The following SUCLG2 variants were observed in gnomAD, a reference collection of about 807,000 sequenced individuals.
SUCLG2 encodes the protein succinate--CoA ligase [GDP-forming] subunit beta, mitochondrial.
Under a neutral mutation model 47.9 loss-of-function variants are expected in SUCLG2, and 42 were observed. The ratio of observed to expected loss-of-function variants is 0.88; its 90% CI spans 0.69 to 1.14. SUCLG2 has a LOEUF of 1.14. Ranked by LOEUF, SUCLG2 falls within the 50% of genes most tolerant of loss-of-function variation. The pLI, the probability that SUCLG2 is intolerant of heterozygous loss-of-function variation, is 0.00. For missense variants in SUCLG2, 571 were observed against 525.9 expected, an observed-to-expected ratio of 1.09 and a Z score of -0.84; for synonymous variants, 195 against 197.3, an observed-to-expected ratio of 0.99 and a Z score of 0.10.
intron 9 of SUCLG2, among the ~76,000 whole-genome samples, chr3:67,439,367 A>G (rs1703702126): frequency 1.3e-5 from 2 of 152,188 alleles, no homozygotes; most frequent in Admixed American, 6.5e-5. Flanking sequence ...TATTCAACAT[A>G]GTATTGGAAG....
chr3:67,637,912 G>A (rs975308925), intron 1 of SUCLG2, among the ~76,000 whole-genome samples: 16 of 152,138 alleles, frequency 1.1e-4, no homozygotes, highest in African/African-American at 3.4e-4. Context: ...ATTAAAATTA[G>A]ACATGAAGTT....
chr3:67,370,760 G>A (rs1020031668), downstream of SUCLG2, among the ~76,000 whole-genome samples: 1 of 152,166 alleles, frequency 6.6e-6, no homozygotes, highest in African/African-American at 2.4e-5. Flanking sequence ...ACATTTCATT[G>A]TACTGTACTA....
At chr3:67,384,152 C>A (rs546711902) in intron 10 of SUCLG2, among the ~76,000 whole-genome samples, 2 of 152,318 alleles carry the variant, frequency 1.3e-5, no homozygotes, top group East Asian at 3.9e-4. Context: ...GGGGAAATGA[C>A]TGAGTGGACC....
downstream of SUCLG2, among the ~76,000 whole-genome samples, chr3:67,370,577 T>G (rs1701939874): frequency 6.6e-6 from 1 of 152,118 alleles, no homozygotes; most frequent in African/African-American, 2.4e-5. Flanking sequence ...AGTGAATGCC[T>G]AAAACCACAG....
chr3:67,461,564 A>G (rs933053052), intron 9 of SUCLG2, among the ~76,000 whole-genome samples: 2 of 151,820 alleles, frequency 1.3e-5, no homozygotes, highest in Non-Finnish European at 2.9e-5. Flanking sequence ...TACTAGTACT[A>G]GTACTAGAAT....
At chr3:67,635,170 C>G (rs13092662) in intron 1 of SUCLG2, among the ~76,000 whole-genome samples, 61,686 of 151,946 alleles carry the variant, frequency 0.41, 13,506 homozygotes, top group African/African-American at 0.57. Flanking sequence ...AAATACATGA[C>G]GAAAATCTTC....
intron 9 of SUCLG2, among the ~76,000 whole-genome samples, chr3:67,472,375 G>C (rs551063393): frequency 2.0e-5 from 3 of 152,194 alleles, no homozygotes; most frequent in African/African-American, 2.4e-5. Context: ...GTTAGATCTA[G>C]ATTAGGAATC....
intron 9 of SUCLG2, among the ~76,000 whole-genome samples, chr3:67,469,835 C>A (rs1224862601): frequency 6.6e-6 from 1 of 152,024 alleles, no homozygotes; most frequent in Admixed American, 6.5e-5. Flanking sequence ...CACCTGAGGT[C>A]AGGAGTTCGA....
intron 9 of SUCLG2, among the ~76,000 whole-genome samples, chr3:67,474,916 C>T (rs1575721080): frequency 6.6e-6 from 1 of 151,934 alleles, no homozygotes; most frequent in African/African-American, 2.4e-5. Flanking sequence ...TAAGTAGGCT[C>T]TACTTTCCCA....
At chr3:67,381,017 G>C (rs1194317018) in intron 10 of SUCLG2, among the ~76,000 whole-genome samples, 2 of 151,910 alleles carry the variant, frequency 1.3e-5, no homozygotes, top group African/African-American at 4.8e-5. Flanking sequence ...ACGCAGAGAA[G>C]AGGGATTAAA....
chr3:67,487,872 A>G (rs1182334471), intron 9 of SUCLG2, among the ~76,000 whole-genome samples: 2 of 152,160 alleles, frequency 1.3e-5, no homozygotes, highest in Non-Finnish European at 2.9e-5. Context: ...ATGTAAAGTT[A>G]TGAGAACAAG....
intron 2 of SUCLG2, among the ~76,000 whole-genome samples, chr3:67,591,696 C>G (rs1708171053): frequency 6.6e-6 from 1 of 152,156 alleles, no homozygotes; most frequent in African/African-American, 2.4e-5. Context: ...ATCTTTTTTT[C>G]TTCCCAGTCT....
intron 2 of SUCLG2, among the ~76,000 whole-genome samples, chr3:67,583,779 T>C (rs758794530): frequency 1.2e-4 from 19 of 152,236 alleles, no homozygotes; most frequent in Non-Finnish European, 2.5e-4. Context: ...CCAACAATGG[T>C]ACATCAAATC....
rs980912085 is a variant in SUCLG2, at chr3:67,572,247, G to A, written c.226+37208C>T. 2.0e-5 allele frequency among the ~76,000 whole-genome samples: 3 copies of A among 152,178 alleles called. No individual in the cohort carries two copies. The East Asian group carries it at 5.8e-4, about 29-fold the overall frequency. On this transcript the variant is annotated intron_variant, in intron 2 of 10. Coordinates refer to ENST00000307227, the MANE Select transcript of SUCLG2 (RefSeq NM_003848.4). ...TCTAAAGTGAATTCCCCAAGAAACA[G>A]GAGTAACTTTTCCCTCAGATCCCCA...
At chr3:67,361,461 A>G (rs1167488926) in intron 10 of SUCLG2, among the ~76,000 whole-genome samples, 1 of 152,208 alleles carries the variant, frequency 6.6e-6, no homozygotes, top group East Asian at 1.9e-4. Flanking sequence ...TGTGGAATAC[A>G]ACTGCAGCCT....
At chr3:67,632,411 G>T (rs1441810521) in intron 1 of SUCLG2, among the ~76,000 whole-genome samples, 2 of 152,124 alleles carry the variant, frequency 1.3e-5, no homozygotes, top group Non-Finnish European at 2.9e-5. Flanking sequence ...TTGAATGGGT[G>T]ACCTCGAGTG....
At chr3:67,387,562 C>A (rs1179370206) in intron 10 of SUCLG2, among the ~76,000 whole-genome samples, 2 of 152,102 alleles carry the variant, frequency 1.3e-5, no homozygotes, top group African/African-American at 4.8e-5. Context: ...AGCTAGTTAC[C>A]CTGCCTTAAA....
At chr3:67,583,741 T>C (rs921352818) in intron 2 of SUCLG2, among the ~76,000 whole-genome samples, 1 of 152,214 alleles carries the variant, frequency 6.6e-6, no homozygotes, top group South Asian at 2.1e-4. Flanking sequence ...GGTATCCAGT[T>C]CCTTGACACA....
At chr3:67,572,625 T>C (rs1323453345) in intron 2 of SUCLG2, among the ~76,000 whole-genome samples, 1 of 152,118 alleles carries the variant, frequency 6.6e-6, no homozygotes, top group Non-Finnish European at 1.5e-5. Context: ...ACAGGTTAGA[T>C]TCTTACTAGC....
Sources: gnomAD v4.1 joint callset for allele counts (sites outside exome capture counted in the v4.1 genomes callset) on GRCh38, gnomAD v4.1.1 for gene constraint, MANE v1.5 for transcripts, NCBI Gene and HGNC (gene_info 2026-07-23, HGNC 2026-07-21) for gene names.